Variants in TBC1D12 observed in about 807,000 individuals in gnomAD.
TBC1D12 encodes TBC1 domain family, member 12.
In TBC1D12, 56 loss-of-function variants were observed where a neutral mutation model predicts 86.7. The observed-to-expected ratio is 0.65, with a 90% CI of 0.52 to 0.81. The LOEUF (loss-of-function observed/expected upper bound fraction) is 0.81, where lower values mean the gene tolerates loss of function less well. Ranked by LOEUF, TBC1D12 falls within the 30% of genes least tolerant of loss-of-function variation. TBC1D12 has a pLI of 0.00. For synonymous variants in TBC1D12, 421 were observed against 411.7 expected, an observed-to-expected ratio of 1.02 and a Z score of -0.27; for missense variants, 1,023 against 1,038.8, an observed-to-expected ratio of 0.98 and a Z score of 0.21.
chr10:94,438,574 C>T (rs1468759518), intron 1 of TBC1D12, among the ~76,000 whole-genome samples: 1 of 152,010 alleles, frequency 6.6e-6, no homozygotes, highest in Non-Finnish European at 1.5e-5. Flanking sequence ...CGGTTAGCAA[C>T]TCCAGGAACA....
intron 1 of TBC1D12, 77 bp downstream of exon 1, chr10:94,403,661 C>CCGGAGA: frequency 7.3e-7 from 1 of 1,377,142 alleles, no homozygotes; most frequent in Admixed American, 3.7e-5. Context: ...GGAGTCGGAG[C>CCGGAGA]CGGAGCCGGA....
At chr10:94,496,764 G>C (rs991509091) in intron 4 of TBC1D12, among the ~76,000 whole-genome samples, 1 of 152,164 alleles carries the variant, frequency 6.6e-6, no homozygotes. Context: ...TCAGGAAGTT[G>C]AGATATGAGG....
chr10:94,505,575 A>G (rs1378588833), intron 6 of TBC1D12, among the ~76,000 whole-genome samples: 2 of 152,242 alleles, frequency 1.3e-5, no homozygotes, highest in African/African-American at 4.8e-5. Context: ...CCTGTCTCAA[A>G]AAATAAGAAG....
intron 6 of TBC1D12, among the ~76,000 whole-genome samples, chr10:94,502,735 A>G (rs2056414530): frequency 6.6e-6 from 1 of 152,228 alleles, no homozygotes; most frequent in Admixed American, 6.5e-5. Context: ...AAATTGGTCT[A>G]AATGATAATG....
At chr10:94,511,751 T>G (rs1262228834) in intron 9 of TBC1D12, 97 bp downstream of exon 9, 1 of 838,566 alleles carries the variant, frequency 1.2e-6, no homozygotes. Context: ...AATGTCTGTA[T>G]TTCTATGTCT....
chr10:94,426,661 T>C (rs2055150741), intron 1 of TBC1D12, among the ~76,000 whole-genome samples: 1 of 152,148 alleles, frequency 6.6e-6, no homozygotes, highest in Admixed American at 6.6e-5. Flanking sequence ...CACTGCAACC[T>C]CTGCCTCCCA....
chr10:94,465,157 T>C (rs2055787651), intron 2 of TBC1D12, among the ~76,000 whole-genome samples: 1 of 152,208 alleles, frequency 6.6e-6, no homozygotes, highest in Non-Finnish European at 1.5e-5. Context: ...AATGCATTGG[T>C]CTTTCTTGCA....
chr10:94,493,456 T>A lies in TBC1D12; in HGVS notation c.1294+9T>A. On this transcript the variant is annotated intron_variant, in intron 4 of 12. Transcript: ENST00000225235. The stretch of plus-strand genomic sequence containing the variant: ...TGAGGCTAAAAAACGAGGTATAAAA[T>A]TTAACTCCAAATGGTATAATTTTCT... 1 of 1,595,578 alleles carries A rather than the reference T, an allele frequency of 6.3e-7. No homozygotes were observed. Among genetic ancestry groups the A allele is most frequent in the Non-Finnish European group, 8.6e-7 (1 of 1,166,530 alleles).
intron 2 of TBC1D12, among the ~76,000 whole-genome samples, chr10:94,463,277 T>C (rs2055756906): frequency 6.6e-6 from 1 of 152,200 alleles, no homozygotes; most frequent in African/African-American, 2.4e-5. Flanking sequence ...GAGTGATTTA[T>C]AAAGAAAGGG....
At chr10:94,456,172 A>G (rs950705168) in intron 2 of TBC1D12, among the ~76,000 whole-genome samples, 3 of 151,960 alleles carry the variant, frequency 2.0e-5, no homozygotes, top group African/African-American at 7.3e-5. Flanking sequence ...TCCTGTTTTC[A>G]ATTTTATTGA....
chr10:94,484,597 T>C (rs1346210152), intron 3 of TBC1D12, among the ~76,000 whole-genome samples: 2 of 152,222 alleles, frequency 1.3e-5, no homozygotes, highest in Admixed American at 6.5e-5. Context: ...TTTGGTTGCA[T>C]ATAAATTTTA....
intron 2 of TBC1D12, among the ~76,000 whole-genome samples, chr10:94,463,795 CAGTTT>C (rs1429535623): frequency 6.6e-6 from 1 of 152,090 alleles, no homozygotes; most frequent in Non-Finnish European, 1.5e-5. Flanking sequence ...CTGTAAATAT[CAGTTT>C]AGGTCATGTT....
rs975115083 is a variant in TBC1D12, at chr10:94,509,980, T to G, written c.1601-111T>G. ...GTGACATTTCTTATAATTTCTTGAT[T>G]ATTCAGCTTTTAACTTAAATAACAC... On this transcript the variant is annotated intron_variant, in intron 7 of 12. Coordinates refer to ENST00000225235, the MANE Select transcript of TBC1D12 (RefSeq NM_015188.2). 36 of 715,402 alleles carry G rather than the reference T, an allele frequency of 5.0e-5. No individual in the cohort carries two copies. The Admixed American group carries it at 1.1e-3, about 21-fold the overall frequency. The allele number at this position is 715,402 out of a possible 1,614,324, so 44.3% of individuals were successfully genotyped here.
At chr10:94,470,840 A>C (rs1176210795) in intron 2 of TBC1D12, among the ~76,000 whole-genome samples, 1 of 152,064 alleles carries the variant, frequency 6.6e-6, no homozygotes, top group Non-Finnish European at 1.5e-5. Context: ...TTTCTGATAA[A>C]GATGAGCTCA....
At chr10:94,453,657 C>G (rs2055585275) in intron 2 of TBC1D12, among the ~76,000 whole-genome samples, 1 of 152,046 alleles carries the variant, frequency 6.6e-6, no homozygotes, top group Admixed American at 6.6e-5. Flanking sequence ...TTTTGTAGAT[C>G]ATGCCTTTAG....
At chr10:94,481,401 A>G (rs2056076960) in intron 3 of TBC1D12, among the ~76,000 whole-genome samples, 1 of 151,328 alleles carries the variant, frequency 6.6e-6, no homozygotes, top group South Asian at 2.1e-4. Context: ...ATCTTAGTGT[A>G]TCTTCTGGAT....
At chr10:94,464,527 G>A (rs2055777830) in intron 2 of TBC1D12, among the ~76,000 whole-genome samples, 1 of 152,038 alleles carries the variant, frequency 6.6e-6, no homozygotes, top group South Asian at 2.1e-4. Context: ...GTGCAGTGGT[G>A]CAGTCTTGGC....
rs1322603266 is a variant in TBC1D12 at position 94,509,190 on chromosome 10, T to G, written c.1601-901T>G. On this transcript the variant is annotated intron_variant, in intron 7 of 12. Coordinates refer to ENST00000225235, the MANE Select transcript of TBC1D12 (RefSeq NM_015188.2). ...CAAGATCTTGGCTCACTGCAATCTC[T>G]GCCTCCCAGGTTCAAGCAATTCTCC... 6.0e-5 allele frequency: 9 copies of G among 149,642 alleles called. No individual in the cohort carries two copies. The Admixed American group carries it at 6.0e-4, about 10-fold the overall frequency. The allele number at this position is 149,642 out of a possible 1,614,324, so 9.3% of individuals were successfully genotyped here.
chr10:94,471,993 A>C (rs901179031), intron 2 of TBC1D12, among the ~76,000 whole-genome samples: 4 of 152,206 alleles, frequency 2.6e-5, no homozygotes, highest in African/African-American at 4.8e-5. Context: ...TCATACAAGA[A>C]ATATTCTGTC....
Sources: allele counts gnomAD v4.1 joint callset (sites outside exome capture counted in the v4.1 genomes callset), GRCh38; gene constraint gnomAD v4.1.1; transcripts MANE v1.5; gene names NCBI Gene and HGNC (gene_info 2026-07-23, HGNC 2026-07-21).